LHX6: variants seen among roughly 807,000 people sequenced by gnomAD.
The protein encoded by LHX6 is LIM/homeobox protein Lhx6.
A neutral mutation model predicts 47.1 loss-of-function variants in LHX6; 15 were observed. The observed-to-expected ratio is 0.32, with a 90% CI of 0.21 to 0.49. The LOEUF (loss-of-function observed/expected upper bound fraction) is 0.49, where lower values mean the gene tolerates loss of function less well. LHX6 is among the 20% of genes least tolerant of loss of function. LHX6 has a pLI of 0.99. For missense variants in LHX6, 404 were observed against 539.6 expected (o/e 0.75, Z 2.49); for synonymous variants, 242 against 233.5 (o/e 1.04, Z -0.33).
chr9:122,227,317 G>C, intron 2 of LHX6, 92 bp downstream of exon 2: 1 of 1,255,998 alleles, frequency 8.0e-7, no homozygotes, highest in Non-Finnish European at 1.1e-6. Context: ...CCCAGAGCGT[G>C]AGCAGCAGTT....
rs568535051 is a variant in LHX6 at position 122,225,994 on chromosome 9, A to C, written c.461+382T>G. Among the ~76,000 whole-genome samples, 7 of 152,244 alleles carry C rather than the reference A, an allele frequency of 4.6e-5. No homozygotes were observed. In the South Asian group the frequency reaches 1.5e-3, roughly 32 times the overall value. On this transcript the variant is annotated intron_variant, in intron 4 of 9. Transcript: ENST00000394319. ...GAACTCGAAGCCCGAACGCACTGGA[A>C]ATGCAGCCGGACGACGGCTGGGATC...
rs575347524 is a variant in LHX6, at chr9:122,205,576, G to A, written c.1159-796C>T. ...GTCATTTCACAGTAAAGTGTGAGGG[G>A]CATCTGGTGGGCATGACTACATGGC... is the stretch of plus-strand genomic sequence containing the variant. On this transcript the variant is annotated intron_variant, in intron 9 of 9. Coordinates refer to ENST00000394319, the MANE Select transcript of LHX6 (RefSeq NM_014368.5). Among the ~76,000 whole-genome samples the A allele has an allele frequency of 4.6e-5, 7 of 152,304 alleles. No homozygotes were observed. In the East Asian group the frequency reaches 1.4e-3, roughly 29 times the overall value.
intron 9 of LHX6, among the ~76,000 whole-genome samples, chr9:122,207,168 G>T (rs1830212341): frequency 6.6e-6 from 1 of 152,168 alleles, no homozygotes; most frequent in South Asian, 2.1e-4. Flanking sequence ...GGTGGCTCTA[G>T]GATCCCGGCC....
chr9:122,211,008 A>G (rs1307699315), intron 8 of LHX6, among the ~76,000 whole-genome samples: 1 of 152,214 alleles, frequency 6.6e-6, no homozygotes, highest in Non-Finnish European at 1.5e-5. Flanking sequence ...GAGGCATGGC[A>G]TTTAGTAGGT....
chr9:122,221,659 T>C (rs1188291266), intron 4 of LHX6: 1 of 985,304 alleles, frequency 1.0e-6, no homozygotes, highest in Non-Finnish European at 1.2e-6. Context: ...AGTGACCTGA[T>C]ATTGACAAAG....
Position 122,209,475 on chromosome 9 carries a change from G to A in LHX6, c.1158+139C>T, listed in dbSNP as rs574319160. 4.8e-5 allele frequency: 61 copies of A among 1,281,452 alleles called. No homozygotes were observed. In the East Asian group the frequency reaches 1.2e-3, roughly 24 times the overall value. The allele number at this position is 1,281,452 out of a possible 1,614,324, so 79.4% of individuals were successfully genotyped here. On this transcript the variant is annotated intron_variant, in intron 9 of 9. Transcript: ENST00000394319. ...GCTCCAGTGACTGCTGTGGGGGTGC[G>A]GTGGGGGTCTCAGCAGGCCGGGCAG...
chr9:122,221,827 T>A, intron 4 of LHX6: 1 of 522,316 alleles, frequency 1.9e-6, no homozygotes, highest in Non-Finnish European at 2.5e-6. Context: ...GACGGGTGGC[T>A]GATATATCTC....
chr9:122,224,267 T>C (rs1830998789), intron 4 of LHX6, among the ~76,000 whole-genome samples: 1 of 152,078 alleles, frequency 6.6e-6, no homozygotes, highest in African/African-American at 2.4e-5. Flanking sequence ...CCTTGTGATC[T>C]ACCAGCCTTG....
chr9:122,222,156 A>ATACAGCAGGCATGATGT (rs1305493682), intron 4 of LHX6, among the ~76,000 whole-genome samples: 3 of 152,200 alleles, frequency 2.0e-5, no homozygotes, highest in Admixed American at 2.0e-4. Context: ...CTCCCCAACT[A>ATACAGCAGGCATGATGT]TACAGCAGGC....
intron 4 of LHX6, among the ~76,000 whole-genome samples, chr9:122,224,584 C>T (rs1475155393): frequency 3.3e-5 from 5 of 152,086 alleles, no homozygotes; most frequent in East Asian, 1.9e-4. Flanking sequence ...AGCAGGAATG[C>T]CCCCTCAGAG....
At chr9:122,207,505 G>C (rs1830228373) in intron 9 of LHX6, among the ~76,000 whole-genome samples, 1 of 152,242 alleles carries the variant, frequency 6.6e-6, no homozygotes. Context: ...CATGTGAGAA[G>C]TAGCTGCCTT....
At chr9:122,228,486 A>AT (rs1341116206) in intron 1 of LHX6, 171 bp downstream of exon 1, 18 of 1,171,130 alleles carry the variant, frequency 1.5e-5, no homozygotes, top group Non-Finnish European at 1.8e-5. Flanking sequence ...GCTTTCCGCG[A>AT]CCCCCCCCCC....
At chr9:122,208,253 G>A (rs1244333049) in intron 9 of LHX6, among the ~76,000 whole-genome samples, 2 of 152,144 alleles carry the variant, frequency 1.3e-5, no homozygotes, top group South Asian at 2.1e-4. Context: ...GGTGTCTCAT[G>A]CCTTCCCTGA....
intron 5 of LHX6, among the ~76,000 whole-genome samples, chr9:122,216,666 G>A (rs1031511121): frequency 3.9e-5 from 6 of 152,154 alleles, no homozygotes; most frequent in African/African-American, 1.4e-4. Flanking sequence ...CCCAAGCCTG[G>A]TCCCAGGCAA....
chr9:122,207,280 G>C (rs1455662851), intron 9 of LHX6, among the ~76,000 whole-genome samples: 2 of 152,180 alleles, frequency 1.3e-5, no homozygotes, highest in African/African-American at 4.8e-5. Flanking sequence ...CACCCTCCCA[G>C]GGAGACTATG....
rs1352962894 is a variant in LHX6, at chr9:122,203,019, T to C, written c.*1741A>G. 6.6e-6 allele frequency: 1 copy of C among 152,572 alleles called. No homozygotes were observed. Among genetic ancestry groups the C allele is most frequent in the Admixed American group, 6.5e-5 (1 of 15,290 alleles). The allele number at this position is 152,572 out of a possible 1,614,324, so 9.5% of individuals were successfully genotyped here. On this transcript the variant is annotated 3_prime_UTR_variant, in exon 10 of 10. Coordinates refer to ENST00000394319, the MANE Select transcript of LHX6 (RefSeq NM_014368.5). The stretch of plus-strand genomic sequence containing the variant: ...ATTGGGCCCTGGTTGCTCCTGTTAA[T>C]GTCAGCGCCTAGCACAGGGCTGGGC...
chr9:122,221,971 G>A (rs932435807), intron 4 of LHX6, among the ~76,000 whole-genome samples: 15 of 152,150 alleles, frequency 9.9e-5, no homozygotes, highest in Admixed American at 6.5e-4. Flanking sequence ...CCACCCCCAC[G>A]CCACCATACT....
rs56092166 is a variant in LHX6, at chr9:122,203,026, G to C, written c.*1734C>G. The C allele has an allele frequency of 4.6e-5, 7 of 152,674 alleles. No homozygotes were observed. Among genetic ancestry groups the C allele is most frequent in the Non-Finnish European group, 1.0e-4 (7 of 68,034 alleles). 9.5% of individuals were successfully genotyped at this position (152,674 alleles called of 1,614,324 possible). On this transcript the variant is annotated 3_prime_UTR_variant, in exon 10 of 10. Transcript: ENST00000394319. Reference sequence around the variant, plus strand: ...CCTGGTTGCTCCTGTTAATGTCAGCGCCTAGCACAGGGCTGGGCACAAGTT... The same window carrying C: ...CCTGGTTGCTCCTGTTAATGTCAGCCCCTAGCACAGGGCTGGGCACAAGTT...
At position 122,213,910 on chromosome 9, in the gene LHX6, C is replaced by A. The variant is rs756775093; in HGVS notation, c.879+64G>T. On this transcript the variant is annotated intron_variant, in intron 7 of 9. Coordinates refer to ENST00000394319, the MANE Select transcript of LHX6 (RefSeq NM_014368.5). This position sits in a 1 kb window ranked among gnomAD's most constrained non-coding sequence, Gnocchi z 5.5. Reference sequence around the variant, plus strand: ...CACGTGCACGCACCACCCTCCGCGCCGAGCCCAGCTACGAGCTCCGGGGCG... The same window carrying A: ...CACGTGCACGCACCACCCTCCGCGCAGAGCCCAGCTACGAGCTCCGGGGCG... 3 of 1,541,176 alleles carry A rather than the reference C, an allele frequency of 1.9e-6. No homozygotes were observed. The highest frequency in any genetic ancestry group is 2.6e-6 in the Non-Finnish European group (3 of 1,135,248).
Sources: allele counts gnomAD v4.1 joint callset (sites outside exome capture counted in the v4.1 genomes callset), GRCh38; gene constraint gnomAD v4.1.1; non-coding constraint Gnocchi (gnomAD v3.1); transcripts MANE v1.5; gene names NCBI Gene and HGNC (gene_info 2026-07-23, HGNC 2026-07-21).